The following DENND4C variants were observed in gnomAD, a reference collection of about 807,000 sequenced individuals.
DENND4C encodes DENN domain-containing protein 4C.
Under a neutral mutation model 203.0 loss-of-function variants are expected in DENND4C, and 108 were observed. That is an observed-to-expected ratio of 0.53 (90% CI 0.46 to 0.62). The LOEUF is 0.62. Among genes scored for constraint, DENND4C ranks in the 20% least tolerant of loss-of-function variants. The probability of loss-of-function intolerance (pLI) is 0.00; values close to 1 mark genes in which losing one functional copy is unlikely to be tolerated. For missense variants in DENND4C, 2,481 were observed against 2,301.2 expected (o/e 1.08, Z -1.60); for synonymous variants, 871 against 792.4 (o/e 1.10, Z -1.67).
Position 19,358,206 on chromosome 9 carries a change from A to G in DENND4C, c.5160+46A>G, listed in dbSNP as rs1260742559. 1.4e-6 allele frequency: 2 copies of G among 1,439,776 alleles called. No homozygotes were observed. The highest frequency in any genetic ancestry group is 1.4e-5 in the African/African-American group (1 of 71,078). The allele number at this position is 1,439,776 out of a possible 1,614,324, so 89.2% of individuals were successfully genotyped here. A position where few individuals can be genotyped will look rare whatever the true frequency, so the allele number is the denominator to read the frequency against. On this transcript the variant is annotated intron_variant, in intron 28 of 32. Coordinates refer to ENST00000434457, the MANE Select transcript of DENND4C (RefSeq NM_001330640.2). The surrounding 1 kb of genome is among the most constrained non-coding windows in gnomAD (Gnocchi z 4.8). ...TGTAATTATACTGCATACACACCTAAGTATATAGTAGAACATTATAAATTC... is the reference window on the plus strand; with the variant it reads ...TGTAATTATACTGCATACACACCTAGGTATATAGTAGAACATTATAAATTC...
chr9:19,275,725 C>T (rs1832776340), intron 1 of DENND4C, among the ~76,000 whole-genome samples: 1 of 152,070 alleles, frequency 6.6e-6, no homozygotes, highest in African/African-American at 2.4e-5. Flanking sequence ...CCCACCTCCA[C>T]CTCCCATAGT....
intron 3 of DENND4C, 142 bp downstream of exon 3, chr9:19,287,163 G>A: frequency 1.2e-6 from 1 of 844,702 alleles, no homozygotes; most frequent in Non-Finnish European, 1.6e-6. Context: ...TTTATGATTT[G>A]TAATAATTTT....
At chr9:19,287,874 G>A (rs908259408) in intron 3 of DENND4C, among the ~76,000 whole-genome samples, 2 of 152,110 alleles carry the variant, frequency 1.3e-5, no homozygotes, top group African/African-American at 2.4e-5. Flanking sequence ...CTGGGGCTAC[G>A]GGCGTGCGCC....
rs116167473 is a variant in DENND4C, at chr9:19,364,483, T to G, written c.5524+2520T>G. Reference sequence around the variant, plus strand: ...ACAAGGATACTTACTGTAAGATTTTTTTTTCTTTTGAGACAGGGTCATGTC... The same window carrying G: ...ACAAGGATACTTACTGTAAGATTTTGTTTTCTTTTGAGACAGGGTCATGTC... On this transcript the variant is annotated intron_variant, in intron 30 of 32. Coordinates refer to ENST00000434457, the MANE Select transcript of DENND4C (RefSeq NM_001330640.2). 8.3e-3 allele frequency among the ~76,000 whole-genome samples: 1,260 copies of G among 152,328 alleles called. 21 individuals are homozygous for G. Among genetic ancestry groups the G allele is most frequent in the African/African-American group, 0.029 (1,217 of 41,566 alleles).
At chr9:19,327,754 A>G (rs1189663235) in intron 15 of DENND4C, among the ~76,000 whole-genome samples, 1 of 152,142 alleles carries the variant, frequency 6.6e-6, no homozygotes, top group East Asian at 1.9e-4. Flanking sequence ...TTATCTTGAA[A>G]GAGTTATTTC....
intron 10 of DENND4C, among the ~76,000 whole-genome samples, chr9:19,307,688 T>C (rs1322404004): frequency 6.7e-6 from 1 of 149,450 alleles, no homozygotes; most frequent in African/African-American, 2.5e-5. Context: ...GAGAATTGCT[T>C]GAACTGAGGA....
At chr9:19,234,580 T>C (rs1286979390) in intron 1 of DENND4C, among the ~76,000 whole-genome samples, 1 of 138,582 alleles carries the variant, frequency 7.2e-6, no homozygotes, top group African/African-American at 2.7e-5. Context: ...TCACCTAGGC[T>C]AGAGTGCAGT....
rs779781564 is a variant in DENND4C at position 19,372,021 on chromosome 9, T to G, written c.5741-16T>G. 1.3e-6 allele frequency: 2 copies of G among 1,598,866 alleles called. No homozygotes were observed. Among genetic ancestry groups the G allele is most frequent in the Non-Finnish European group, 1.7e-6 (2 of 1,173,116 alleles). ...TCTTAACAAATTACAACTTCATTTT[T>G]GAAAATTTCTTTCAGAGGCATTTGA... On this transcript the variant is annotated splice_polypyrimidine_tract_variant and intron_variant, in intron 32 of 32. Transcript: ENST00000434457.
Position 19,270,229 on chromosome 9 carries a change from A to G in DENND4C, c.-17-5929A>G, listed in dbSNP as rs192117919. Reference sequence around the variant, plus strand: ...GGGTTAGACCTGAAACCAGCACAGTACTGAGTCTCATCAGTACAGTAATAT... The same window carrying G: ...GGGTTAGACCTGAAACCAGCACAGTGCTGAGTCTCATCAGTACAGTAATAT... On this transcript the variant is annotated intron_variant, in intron 1 of 32. Coordinates refer to ENST00000434457, the MANE Select transcript of DENND4C (RefSeq NM_001330640.2). Among the ~76,000 whole-genome samples, 3 of 152,310 alleles carry G rather than the reference A, an allele frequency of 2.0e-5. No homozygotes were observed. The East Asian group carries it at 5.8e-4, about 29-fold the overall frequency.
At chr9:19,328,236 T>C in intron 16 of DENND4C, 74 bp downstream of exon 16, 4 of 1,357,606 alleles carry the variant, frequency 2.9e-6, no homozygotes, top group African/African-American at 3.0e-5. Flanking sequence ...GCTCATAGTT[T>C]AGAATGATCA....
chr9:19,272,505 C>A (rs546956683), intron 1 of DENND4C, among the ~76,000 whole-genome samples: 3 of 152,068 alleles, frequency 2.0e-5, no homozygotes, highest in Non-Finnish European at 4.4e-5. Context: ...CTCCCTCCCA[C>A]CTCGGCCTCC....
chr9:19,351,915 A>T (rs1248133377), intron 24 of DENND4C, among the ~76,000 whole-genome samples, 158 bp from the exon 25 acceptor site: 1 of 152,196 alleles, frequency 6.6e-6, no homozygotes, highest in Non-Finnish European at 1.5e-5. Context: ...ACTATTGTTA[A>T]CTTTATCTCT....
intron 5 of DENND4C, among the ~76,000 whole-genome samples, chr9:19,294,953 A>G (rs1322192450): frequency 6.6e-6 from 1 of 152,338 alleles, no homozygotes; most frequent in East Asian, 1.9e-4. Context: ...TAATGAAAAA[A>G]GTTCTGGAAA....
intron 1 of DENND4C, among the ~76,000 whole-genome samples, chr9:19,234,393 G>T (rs1821347958): frequency 6.6e-6 from 1 of 151,930 alleles, no homozygotes; most frequent in South Asian, 2.1e-4. Flanking sequence ...ACCACGCCTG[G>T]CTAAATTTTT....
At chr9:19,282,295 G>T (rs1424170217) in intron 2 of DENND4C, among the ~76,000 whole-genome samples, 1 of 150,796 alleles carries the variant, frequency 6.6e-6, no homozygotes, top group Admixed American at 6.6e-5. Flanking sequence ...TCACTTTGTT[G>T]CCCAGGCTGG....
At chr9:19,261,646 A>C (rs917654134) in intron 1 of DENND4C, among the ~76,000 whole-genome samples, 1 of 151,120 alleles carries the variant, frequency 6.6e-6, no homozygotes, top group Admixed American at 6.6e-5. Context: ...GAGGACTACA[A>C]GTGAATCCCA....
intron 1 of DENND4C, among the ~76,000 whole-genome samples, chr9:19,261,536 A>G (rs1454461439): frequency 1.3e-5 from 2 of 151,240 alleles, no homozygotes; most frequent in Admixed American, 1.3e-4. Flanking sequence ...AGGGTCTCAC[A>G]CTATTGTACA....
chr9:19,244,584 C>CA (rs1168779865), intron 1 of DENND4C, among the ~76,000 whole-genome samples: 2 of 151,122 alleles, frequency 1.3e-5, no homozygotes, highest in African/African-American at 2.4e-5. Flanking sequence ...CCTAAAAATA[C>CA]AAAAAATTAG....
chr9:19,340,476 T>A (rs952300137), intron 20 of DENND4C, among the ~76,000 whole-genome samples: 4 of 152,042 alleles, frequency 2.6e-5, no homozygotes, highest in African/African-American at 2.4e-5. Context: ...ATTTTATTTT[T>A]TTTTTAACAT....
Sources: gnomAD v4.1 joint callset for allele counts (sites outside exome capture counted in the v4.1 genomes callset) on GRCh38, gnomAD v4.1.1 for gene constraint, Gnocchi (gnomAD v3.1) non-coding constraint, MANE v1.5 for transcripts, NCBI Gene and HGNC (gene_info 2026-07-23, HGNC 2026-07-21) for gene names.